Variants in ITGA6 observed in about 807,000 individuals in gnomAD.
The protein encoded by ITGA6 is integrin alpha-6.
ITGA6 carries 63 observed loss-of-function variants against 133.6 expected under a neutral mutation model. That is an observed-to-expected ratio of 0.47 (90% CI 0.38 to 0.58). ITGA6 has a LOEUF of 0.58. Ranked by LOEUF, ITGA6 falls within the 20% of genes least tolerant of loss-of-function variation. ITGA6 has a pLI of 0.00. For synonymous variants in ITGA6, 434 were observed against 482.0 expected, an observed-to-expected ratio of 0.90 and a Z score of 1.30; for missense variants, 1,068 against 1,309.4, an observed-to-expected ratio of 0.82 and a Z score of 2.85.
At chr2:172,493,846 G>A (rs1308990649) in intron 23 of ITGA6, among the ~76,000 whole-genome samples, 3 of 152,170 alleles carry the variant, frequency 2.0e-5, no homozygotes, top group Non-Finnish European at 4.4e-5. Flanking sequence ...GAACTCTGGG[G>A]GCCCTGGTGT....
Position 172,498,003 on chromosome 2 carries a change from C to T in ITGA6, c.3017C>T (p.Thr1006Ile). Residue 1006 changes from threonine (T) to isoleucine (I), a missense_variant, in exon 24 of 26, where the codon ACT becomes ATT. Transcript: ENST00000684293. ...QVRVTVFPSK[T>I]VAQYSGVPWW... ...CGAGTGACTGTGTTTCCCTCAAAGA[C>T]TGTAGCTCAGTATTCGGGAGTACCT... The T allele has an allele frequency of 6.2e-7, 1 of 1,613,934 alleles. No homozygotes were observed. Among genetic ancestry groups the T allele is most frequent in the Non-Finnish European group, 8.5e-7 (1 of 1,179,840 alleles).
chr2:172,457,203 A>T (rs1366680508), intron 1 of ITGA6, among the ~76,000 whole-genome samples: 2 of 150,288 alleles, frequency 1.3e-5, no homozygotes, highest in Middle Eastern at 3.4e-3. Flanking sequence ...CTGAAGCAGG[A>T]GAATCGATTG....
chr2:172,467,689 T>C, intron 3 of ITGA6, 129 bp downstream of exon 3: 1 of 742,422 alleles, frequency 1.3e-6, no homozygotes. Flanking sequence ...CAGGAATGGA[T>C]GTCAAAAAGA....
chr2:172,445,326 T>C (rs1201040487), intron 1 of ITGA6, among the ~76,000 whole-genome samples: 1 of 147,982 alleles, frequency 6.8e-6, no homozygotes, highest in Admixed American at 6.8e-5. Context: ...AAATCTGTTG[T>C]CTTTTTCTTT....
intron 5 of ITGA6, among the ~76,000 whole-genome samples, 170 bp from the exon 6 acceptor site, chr2:172,473,883 TTG>T: frequency 6.6e-6 from 1 of 152,194 alleles, no homozygotes; most frequent in Non-Finnish European, 1.5e-5. Context: ...GACTTTGTCC[TTG>T]TGTCACATCT....
At chr2:172,468,018 T>G (rs772975210) in intron 3 of ITGA6, among the ~76,000 whole-genome samples, 12 of 152,188 alleles carry the variant, frequency 7.9e-5, no homozygotes, top group Non-Finnish European at 1.6e-4. Context: ...CCTGATATAC[T>G]TAGAAGCAAT....
chr2:172,487,141 A>G lies in ITGA6; in HGVS notation c.1970+3A>G, dbSNP rs1428705577. 2.5e-6 allele frequency: 4 copies of G among 1,574,872 alleles called. No homozygotes were observed. Among genetic ancestry groups the G allele is most frequent in the Non-Finnish European group, 2.6e-6 (3 of 1,144,302 alleles). On this transcript the variant is annotated splice_donor_region_variant and intron_variant, in intron 14 of 25. Coordinates refer to ENST00000684293, the MANE Select transcript of ITGA6 (RefSeq NM_000210.4). ...GACAAATTTTCTTATTTACCAATGT[A>G]AGAATCGTTGTGTAGCACTAGCAAA...
chr2:172,430,087 T>C (rs1402464276), intron 1 of ITGA6, among the ~76,000 whole-genome samples: 1 of 152,218 alleles, frequency 6.6e-6, no homozygotes, highest in East Asian at 1.9e-4. Flanking sequence ...TAAGCTGAGA[T>C]TCCTTCTCGG....
chr2:172,457,312 A>AG (rs1685250153), intron 1 of ITGA6, among the ~76,000 whole-genome samples: 1 of 151,630 alleles, frequency 6.6e-6, no homozygotes, highest in Non-Finnish European at 1.5e-5. Flanking sequence ...AAAAAAAAAA[A>AG]AAAGAAGCAA....
At chr2:172,433,538 A>G (rs1171384342) in intron 1 of ITGA6, among the ~76,000 whole-genome samples, 2 of 152,192 alleles carry the variant, frequency 1.3e-5, no homozygotes, top group Non-Finnish European at 2.9e-5. Context: ...ATCCTCGCAC[A>G]TTAGAATAGT....
chr2:172,464,927 C>G (rs1685582493), intron 1 of ITGA6, among the ~76,000 whole-genome samples: 2 of 141,192 alleles, frequency 1.4e-5, no homozygotes, highest in Non-Finnish European at 3.0e-5. Context: ...TCCATTCTAC[C>G]CTAATAAAAC....
intron 1 of ITGA6, among the ~76,000 whole-genome samples, chr2:172,457,355 C>T (rs1222064218): frequency 6.7e-6 from 1 of 149,860 alleles, no homozygotes; most frequent in African/African-American, 2.5e-5. Context: ...ACTCATTCCT[C>T]AGGATTTAGC....
intron 1 of ITGA6, chr2:172,428,562 A>AAAAGG (rs1683972347): frequency 6.9e-6 from 1 of 143,952 alleles, no homozygotes; most frequent in Non-Finnish European, 1.5e-5. Flanking sequence ...AAAAAAAAAA[A>AAAAGG]GATGGGGGTG....
At chr2:172,427,571 G>A, upstream of ITGA6, 1 of 1,228,036 alleles carries the variant, frequency 8.1e-7, no homozygotes, top group African/African-American at 1.6e-5. Context: ...AAACGCCTGC[G>A]AGTCTCCAGA....
chr2:172,457,298 A>AC (rs1450837991), intron 1 of ITGA6, among the ~76,000 whole-genome samples: 2 of 149,738 alleles, frequency 1.3e-5, no homozygotes, highest in Non-Finnish European at 3.0e-5. Context: ...CTGTCTCCAA[A>AC]AAAAAAAAAA....
In ITGA6 at chr2:172,472,842, CG is replaced by C. The variant is rs753926926; in HGVS notation, c.776-1210del. 9.7e-5 allele frequency: 157 copies of C among 1,612,386 alleles called. No individual in the cohort carries two copies. In the South Asian group the frequency reaches 1.1e-3, roughly 11 times the overall value. ...GTTTGTTTATAAAACACGGCCTCCC[CG>C]GGAGCAGCCTGACACATTCCCTGAT... On this transcript the variant is annotated intron_variant, in intron 5 of 25. Coordinates refer to ENST00000684293, the MANE Select transcript of ITGA6 (RefSeq NM_000210.4).
At chr2:172,456,760 A>G (rs1366534952) in intron 1 of ITGA6, among the ~76,000 whole-genome samples, 1 of 152,222 alleles carries the variant, frequency 6.6e-6, no homozygotes, top group Non-Finnish European at 1.5e-5. Context: ...GGTCTAGAAT[A>G]GGTGTTTTCT....
chr2:172,454,743 CT>C (rs1399979838), intron 1 of ITGA6, among the ~76,000 whole-genome samples: 1 of 152,154 alleles, frequency 6.6e-6, no homozygotes, highest in African/African-American at 2.4e-5. Context: ...TGCTTATCAA[CT>C]GATGTTAAAA....
intron 1 of ITGA6, among the ~76,000 whole-genome samples, chr2:172,459,176 C>T (rs1201262799): frequency 1.3e-5 from 2 of 152,172 alleles, no homozygotes; most frequent in Non-Finnish European, 2.9e-5. Flanking sequence ...CATAGGCTCA[C>T]CATCATGCTG....
Sources: gnomAD v4.1 joint callset for allele counts (sites outside exome capture counted in the v4.1 genomes callset) on GRCh38, gnomAD v4.1.1 for gene constraint, MANE v1.5 for transcripts, NCBI Gene and HGNC (gene_info 2026-07-23, HGNC 2026-07-21) for gene names.